The following RAD54B variants were observed in gnomAD, a reference collection of about 807,000 sequenced individuals.
The protein encoded by RAD54B is DNA repair and recombination protein RAD54B.
RAD54B carries 78 observed loss-of-function variants against 95.8 expected under a neutral mutation model. That is an observed-to-expected ratio of 0.81 (90% confidence interval 0.68 to 0.98). The LOEUF (loss-of-function observed/expected upper bound fraction) is 0.98, where lower values mean the gene tolerates loss of function less well. Ranked by LOEUF, RAD54B falls within the 50% of genes least tolerant of loss-of-function variation. RAD54B has a pLI of 0.00. For synonymous variants in RAD54B, 328 were observed against 354.9 expected, an observed-to-expected ratio of 0.92 and a Z score of 0.85; for missense variants, 957 against 1,056.6, an observed-to-expected ratio of 0.91 and a Z score of 1.31.
intron 3 of RAD54B, among the ~76,000 whole-genome samples, chr8:94,419,476 C>CTA (rs1811751454): frequency 6.6e-6 from 1 of 152,006 alleles, no homozygotes; most frequent in African/African-American, 2.4e-5. Context: ...CCACTGCACT[C>CTA]TAGCCTGGGC....
chr8:94,391,665 T>A lies in RAD54B; in HGVS notation c.1753A>T (p.Ile585Leu). ...LLENSPHLIC[I>L]GALKKLCNHP... ...TTGCACAGTTTTTTAAGAGCTCCTA[T>A]ACATATTAGATGGGGACTATTTTCC... The change falls in exon 10 of 15, where the codon ATA becomes TTA. Residue 585 changes from isoleucine (I) to leucine (L), a missense_variant. Coordinates refer to ENST00000336148, the MANE Select transcript of RAD54B (RefSeq NM_012415.3). 6.2e-7 allele frequency: 1 copy of A among 1,613,974 alleles called. No individual in the cohort carries two copies. Among genetic ancestry groups the A allele is most frequent in the Middle Eastern group, 1.6e-4 (1 of 6,062 alleles).
At chr8:94,387,861 T>G (rs112753437) in intron 10 of RAD54B, among the ~76,000 whole-genome samples, 9 of 152,208 alleles carry the variant, frequency 5.9e-5, no homozygotes, top group African/African-American at 1.9e-4. Context: ...TACATCACTT[T>G]TTGGGTTAAA....
At chr8:94,452,330 C>T (rs1284749941) in intron 3 of RAD54B, among the ~76,000 whole-genome samples, 1 of 152,170 alleles carries the variant, frequency 6.6e-6, no homozygotes, top group Non-Finnish European at 1.5e-5. Flanking sequence ...TACTTCTGTA[C>T]TTTATCATAT....
At chr8:94,444,406 T>C (rs1001551753) in intron 3 of RAD54B, among the ~76,000 whole-genome samples, 11 of 123,528 alleles carry the variant, frequency 8.9e-5, no homozygotes, top group South Asian at 7.8e-4. Context: ...GAGGTTTTAA[T>C]AGTTAAAAAA....
intron 14 of RAD54B, among the ~76,000 whole-genome samples, 189 bp downstream of exon 14, chr8:94,377,975 CAAAAAAAAAAAAAAAA>C (rs59955111): frequency 1.3e-5 from 1 of 77,156 alleles, no homozygotes; most frequent in Non-Finnish European, 2.5e-5. Flanking sequence ...GACTCCGTCT[CAAAAAAAAAAAAAAAA>C]AAAAAAAAGA....
intron 14 of RAD54B, among the ~76,000 whole-genome samples, chr8:94,377,307 G>A (rs539095866): frequency 1.1e-4 from 17 of 151,828 alleles, no homozygotes; most frequent in East Asian, 5.8e-4. Flanking sequence ...AGGCTGAGGC[G>A]GGCAGATCGC....
intron 3 of RAD54B, chr8:94,436,428 G>C: frequency 6.9e-7 from 1 of 1,455,870 alleles, no homozygotes; most frequent in South Asian, 1.5e-5. Flanking sequence ...TCTCTATCAC[G>C]ACTAAGCCAA....
At chr8:94,437,674 C>G (rs904678393) in intron 3 of RAD54B, among the ~76,000 whole-genome samples, 5 of 152,164 alleles carry the variant, frequency 3.3e-5, no homozygotes, top group African/African-American at 1.2e-4. Flanking sequence ...CCTGCCTTAT[C>G]ATGTGTAAAA....
intron 6 of RAD54B, among the ~76,000 whole-genome samples, chr8:94,402,251 C>CTTTTTTTTTT (rs145064709): frequency 6.9e-6 from 1 of 143,914 alleles, no homozygotes. Context: ...TGCTATTTTT[C>CTTTTTTTTTT]TTTTTTTTTT....
rs148525625 is a variant in RAD54B, at chr8:94,458,279, G to A, written c.293C>T (p.Pro98Leu). ...FEAPTLATLD[P>L]PHTVHSAPKE... ...AAAAGCAGTCTTACCTGTATGAGGT[G>A]GATCTAATGTTGCCAGTGTAGGTGC... is the stretch of plus-strand genomic sequence containing the variant. Residue 98 changes from proline to leucine, a missense_variant, in exon 3 of 15, where the codon CCA becomes CTA. Transcript: ENST00000336148. The A allele has an allele frequency of 8.5e-5, 137 of 1,603,040 alleles. No homozygotes were observed. Among genetic ancestry groups the A allele is most frequent in the Non-Finnish European group, 9.3e-5 (110 of 1,176,512 alleles).
intron 3 of RAD54B, chr8:94,428,713 T>G (rs1470966460): frequency 2.1e-6 from 2 of 964,340 alleles, no homozygotes; most frequent in African/African-American, 3.5e-5. Context: ...ATGTGAAACC[T>G]GCAGATAGAA....
intron 8 of RAD54B, among the ~76,000 whole-genome samples, chr8:94,395,932 G>A (rs2129996816): frequency 6.6e-6 from 1 of 152,272 alleles, no homozygotes; most frequent in African/African-American, 2.4e-5. Flanking sequence ...GGGGGAATAA[G>A]CACATCTGAT....
intron 3 of RAD54B, among the ~76,000 whole-genome samples, chr8:94,448,345 G>A (rs1812570468): frequency 6.6e-6 from 1 of 152,160 alleles, no homozygotes; most frequent in East Asian, 1.9e-4. Flanking sequence ...TGGCAAGGGT[G>A]TGGAGAACAG....
chr8:94,458,393 AGATCATTTT>A lies in RAD54B; in HGVS notation c.170_178del (p.Gln57_Asp59del). The A allele has an allele frequency of 6.2e-7, 1 of 1,602,560 alleles. No homozygotes were observed. Among genetic ancestry groups the A allele is most frequent in the Non-Finnish European group, 8.5e-7 (1 of 1,175,672 alleles). ...AGGCAGATTTAAACTGCATATTCTA[AGATCATTTT>A]GTGACGGGAGAAAGGTGTTATTAAT... On this transcript the variant is annotated inframe_deletion, in exon 3 of 15. Transcript: ENST00000336148.
chr8:94,445,021 G>A (rs1812487481), intron 3 of RAD54B, among the ~76,000 whole-genome samples: 1 of 152,156 alleles, frequency 6.6e-6, no homozygotes, highest in African/African-American at 2.4e-5. Flanking sequence ...TCTTAGCCTG[G>A]AGCTGCTATA....
chr8:94,421,051 A>G (rs565969764), intron 3 of RAD54B, among the ~76,000 whole-genome samples: 1 of 151,744 alleles, frequency 6.6e-6, no homozygotes, highest in South Asian at 2.1e-4. Flanking sequence ...TTCCACTTCA[A>G]GTATCCAAAC....
rs1427188544 is a variant in RAD54B at position 94,399,419 on chromosome 8, A to G, written c.1373T>C (p.Leu458Pro). 4 of 1,612,116 alleles carry G rather than the reference A, an allele frequency of 2.5e-6. No individual in the cohort carries two copies. The Admixed American group carries it at 6.7e-5, about 27-fold the overall frequency. Reference protein sequence around the residue: ...ISLSCEKRIILTGTPIQNDLQ... With the variant: ...ISLSCEKRIIPTGTPIQNDLQ... ...TCCCCAAACTGAATACTGACCAGTT[A>G]GAATTATTCTTTTCTCACAAGAAAG... The change falls in exon 8 of 15, where the codon CTA becomes CCA. Residue 458 changes from leucine (L) to proline (P), a missense_variant. Transcript: ENST00000336148.
chr8:94,447,765 C>T (rs2890804), intron 3 of RAD54B, among the ~76,000 whole-genome samples: 12,607 of 152,192 alleles, frequency 0.083, 927 homozygotes, highest in African/African-American at 0.18. Flanking sequence ...TGAGAAAAAG[C>T]GTGTGGCCAC....
In RAD54B at chr8:94,380,605, G is replaced by A. The variant is rs774895309; in HGVS notation, c.1986-199C>T. On this transcript the variant is annotated intron_variant, in intron 11 of 14. Transcript: ENST00000336148. ...TAAACTTCCAGTTTTAAGACAGTGC[G>A]GCAAAGACCTTTCTGCCTTCTTCAT... Among the ~76,000 whole-genome samples the A allele has an allele frequency of 5.9e-5, 9 of 152,142 alleles. No individual in the cohort carries two copies. In the East Asian group the frequency reaches 7.7e-4, roughly 13 times the overall value.
Sources: gnomAD v4.1 joint callset for allele counts (sites outside exome capture counted in the v4.1 genomes callset) on GRCh38, gnomAD v4.1.1 for gene constraint, MANE v1.5 for transcripts, NCBI Gene and HGNC (gene_info 2026-07-23, HGNC 2026-07-21) for gene names.